Variants in CEPT1 observed in about 807,000 individuals in gnomAD.
CEPT1 encodes the protein choline/ethanolaminephosphotransferase 1.
Under a neutral mutation model 42.6 loss-of-function variants are expected in CEPT1, and 7 were observed. That is an observed-to-expected ratio of 0.16 (90% confidence interval 0.09 to 0.31). CEPT1 has a LOEUF of 0.31. CEPT1 is among the 10% of genes least tolerant of loss of function. The probability of loss-of-function intolerance (pLI) is 1.00; values close to 1 mark genes in which losing one functional copy is unlikely to be tolerated. For synonymous variants in CEPT1, 171 were observed against 171.9 expected (o/e 0.99, Z 0.04); for missense variants, 306 against 502.1 (o/e 0.61, Z 3.73).
intron 2 of CEPT1, among the ~76,000 whole-genome samples, chr1:111,148,449 G>GT (rs896470358): frequency 1.3e-5 from 2 of 151,314 alleles, no homozygotes; most frequent in African/African-American, 2.4e-5. Context: ...TTATCAAAAG[G>GT]TTTTTTTTCC....
intron 4 of CEPT1, among the ~76,000 whole-genome samples, chr1:111,169,154 T>A (rs1211394448): frequency 1.3e-5 from 2 of 152,192 alleles, no homozygotes; most frequent in Non-Finnish European, 2.9e-5. Flanking sequence ...TGACCTGTGG[T>A]TGGTGTAATT....
At chr1:111,160,072 T>G (rs551537115) in intron 3 of CEPT1, 1 of 152,234 alleles carries the variant, frequency 6.6e-6, no homozygotes, top group Non-Finnish European at 1.5e-5. Context: ...TAGGTTAATT[T>G]GCTTAACTAT....
chr1:111,158,237 C>T (rs1004148150), intron 2 of CEPT1, among the ~76,000 whole-genome samples: 2 of 151,962 alleles, frequency 1.3e-5, no homozygotes, highest in Non-Finnish European at 2.9e-5. Context: ...GCCTATAATC[C>T]AGCTACTAGG....
chr1:111,174,644 T>C (rs1329523532), intron 4 of CEPT1, among the ~76,000 whole-genome samples: 1 of 151,998 alleles, frequency 6.6e-6, no homozygotes, highest in Non-Finnish European at 1.5e-5. Flanking sequence ...AAATTTCCTT[T>C]GGAAAGGAGG....
Position 111,184,847 on chromosome 1 carries a change from C to CTTTTTT in CEPT1, c.*554_*559dup, listed in dbSNP as rs34173256. 8.6e-6 allele frequency: 1 copy of CTTTTTT among 116,498 alleles called. No individual in the cohort carries two copies. Among genetic ancestry groups the CTTTTTT allele is most frequent in the African/African-American group, 3.2e-5 (1 of 31,104 alleles). The allele number at this position is 116,498 out of a possible 1,614,324, so 7.2% of individuals were successfully genotyped here. ...CTATCTTTACATTGTTGAGGAAGTCCTTTTTTTTTTTTTTTTTTTTTTAAT... is the reference window on the plus strand; with the variant it reads ...CTATCTTTACATTGTTGAGGAAGTCCTTTTTTTTTTTTTTTTTTTTTTTTTTTTAAT... On this transcript the variant is annotated 3_prime_UTR_variant, in exon 9 of 9. Transcript: ENST00000357172.
chr1:111,171,704 G>A (rs1358565638), intron 4 of CEPT1, among the ~76,000 whole-genome samples: 2 of 152,084 alleles, frequency 1.3e-5, no homozygotes, highest in East Asian at 1.9e-4. Flanking sequence ...GTCTTTTGAC[G>A]ACCTATATTA....
At chr1:111,160,896 G>T (rs1655832084) in intron 3 of CEPT1, 3 of 474,990 alleles carry the variant, frequency 6.3e-6, no homozygotes, top group South Asian at 4.5e-5. Context: ...AATACTCGAA[G>T]AAATGTTGAA....
chr1:111,150,998 A>T (rs1655239876), intron 2 of CEPT1, among the ~76,000 whole-genome samples: 1 of 152,070 alleles, frequency 6.6e-6, no homozygotes, highest in Non-Finnish European at 1.5e-5. Flanking sequence ...AAAGAGTTGG[A>T]CTCTGTAAAA....
At chr1:111,183,750 A>T (rs1457670411) in intron 8 of CEPT1, among the ~76,000 whole-genome samples, 163 bp downstream of exon 8, 1 of 152,148 alleles carries the variant, frequency 6.6e-6, no homozygotes, top group Non-Finnish European at 1.5e-5. Flanking sequence ...ATGGCTTTAT[A>T]TTTGAGCCTT....
At chr1:111,175,807 A>G (rs968529376) in intron 5 of CEPT1, among the ~76,000 whole-genome samples, 1 of 152,148 alleles carries the variant, frequency 6.6e-6, no homozygotes, top group Non-Finnish European at 1.5e-5. Flanking sequence ...TTGTCATGGT[A>G]TGTACTCCCC....
intron 2 of CEPT1, among the ~76,000 whole-genome samples, chr1:111,154,882 G>A (rs1050016760): frequency 3.3e-5 from 5 of 152,120 alleles, no homozygotes; most frequent in African/African-American, 1.2e-4. Flanking sequence ...GTTGGATTTG[G>A]TTTGCTAGTA....
chr1:111,176,313 AAC>A, intron 5 of CEPT1, among the ~76,000 whole-genome samples: 1 of 152,224 alleles, frequency 6.6e-6, no homozygotes, highest in African/African-American at 2.4e-5. Flanking sequence ...TTTTTTTAAT[AAC>A]AGTTTTGCCT....
intron 2 of CEPT1, among the ~76,000 whole-genome samples, chr1:111,153,213 A>G (rs1018803732): frequency 4.6e-5 from 7 of 152,220 alleles, no homozygotes; most frequent in African/African-American, 1.7e-4. Flanking sequence ...CATATGAGTA[A>G]GAACTTGCAG....
At chr1:111,175,037 C>G in intron 5 of CEPT1, 74 bp downstream of exon 5, 1 of 901,148 alleles carries the variant, frequency 1.1e-6, no homozygotes, top group Non-Finnish European at 1.9e-6. Context: ...ATGGGATAAT[C>G]CAGTTAAAGG....
chr1:111,162,610 A>C (rs1655931527), intron 4 of CEPT1, among the ~76,000 whole-genome samples: 4 of 152,254 alleles, frequency 2.6e-5, no homozygotes, highest in Admixed American at 2.6e-4. Context: ...CTTAGAAAGA[A>C]GCCCATGAAA....
intron 4 of CEPT1, among the ~76,000 whole-genome samples, chr1:111,173,416 C>T (rs1372011688): frequency 6.6e-6 from 1 of 152,002 alleles, no homozygotes; most frequent in Non-Finnish European, 1.5e-5. Context: ...AGTTGCAAGA[C>T]ATTAGTTTCA....
chr1:111,183,617 G>T (rs765228921), intron 8 of CEPT1, 30 bp downstream of exon 8: 8 of 1,586,660 alleles, frequency 5.0e-6, no homozygotes, highest in Non-Finnish European at 5.2e-6. Flanking sequence ...TTATTTCATG[G>T]TTTGAGGGTT....
intron 4 of CEPT1, among the ~76,000 whole-genome samples, chr1:111,161,598 C>T (rs1344954869): frequency 6.6e-6 from 1 of 152,032 alleles, no homozygotes; most frequent in Non-Finnish European, 1.5e-5. Flanking sequence ...CATTATTTAC[C>T]TTAATTCCAT....
chr1:111,147,474 A>C (rs951475500), intron 1 of CEPT1, among the ~76,000 whole-genome samples, 168 bp from the exon 2 acceptor site: 5 of 152,024 alleles, frequency 3.3e-5, no homozygotes, highest in African/African-American at 1.2e-4. Flanking sequence ...ATACACTTTC[A>C]ATAAGAACTA....
Sources: allele counts gnomAD v4.1 joint callset (sites outside exome capture counted in the v4.1 genomes callset), GRCh38; gene constraint gnomAD v4.1.1; transcripts MANE v1.5; gene names NCBI Gene and HGNC (gene_info 2026-07-23, HGNC 2026-07-21).